EML6: variants seen among roughly 807,000 people sequenced by gnomAD.
EML6 encodes the protein echinoderm microtubule-associated protein-like 6.
In EML6, 154 loss-of-function variants were observed where a neutral mutation model predicts 240.1. The observed-to-expected ratio is 0.64, with a 90% CI of 0.56 to 0.73. EML6 has a LOEUF of 0.73. EML6 is among the 30% of genes least tolerant of loss of function. The probability of loss-of-function intolerance (pLI) is 0.00; values close to 1 mark genes in which losing one functional copy is unlikely to be tolerated. For missense variants in EML6, 2,964 were observed against 2,474.6 expected (o/e 1.20, Z -4.20); for synonymous variants, 1,148 against 899.0 (o/e 1.28, Z -4.95).
At chr2:54,920,190 A>G (rs561397962) in intron 26 of EML6, among the ~76,000 whole-genome samples, 1 of 152,274 alleles carries the variant, frequency 6.6e-6, no homozygotes, top group East Asian at 1.9e-4. Context: ...ACAGAAATAA[A>G]TAAAATAGAG....
At chr2:54,756,633 G>T (rs901771486) in intron 2 of EML6, among the ~76,000 whole-genome samples, 2 of 150,168 alleles carry the variant, frequency 1.3e-5, no homozygotes, top group African/African-American at 5.0e-5. Flanking sequence ...ATGTTCTCAG[G>T]AGCATTTTTT....
At chr2:54,896,698 GTGAT>G (rs1672790071) in intron 21 of EML6, among the ~76,000 whole-genome samples, 2 of 152,166 alleles carry the variant, frequency 1.3e-5, no homozygotes, top group South Asian at 4.1e-4. Flanking sequence ...TGATCTCTGA[GTGAT>G]TGATGCCTGC....
chr2:54,829,538 A>T lies in EML6; in HGVS notation c.847+61A>T, dbSNP rs1178276639. On this transcript the variant is annotated intron_variant, in intron 7 of 41. Coordinates refer to ENST00000356458, the MANE Select transcript of EML6 (RefSeq NM_001039753.4). ...TGTGAAATATAATGTGAAGTTCTGTATTCATATTTGTTTCTCTGTACCCCA... is the reference window on the plus strand; with the variant it reads ...TGTGAAATATAATGTGAAGTTCTGTTTTCATATTTGTTTCTCTGTACCCCA... 2.9e-6 allele frequency: 4 copies of T among 1,372,682 alleles called. No individual in the cohort carries two copies. The African/African-American group carries it at 5.8e-5, about 20-fold the overall frequency. The allele number at this position is 1,372,682 out of a possible 1,614,324, so 85.0% of individuals were successfully genotyped here.
At position 54,753,015 on chromosome 2, in the gene EML6, C is replaced by T. The variant is rs111442264; in HGVS notation, c.197+27757C>T. ...TGTTGGCCAGGCTGGTCTCGAACTC[C>T]GTGAGTCACGGTGCCCGGCTACATT... On this transcript the variant is annotated intron_variant, in intron 2 of 41. Coordinates refer to ENST00000356458, the MANE Select transcript of EML6 (RefSeq NM_001039753.4). 9.4e-3 allele frequency among the ~76,000 whole-genome samples: 1,424 copies of T among 152,284 alleles called. 22 individuals carry two copies. Among genetic ancestry groups the T allele is most frequent in the African/African-American group, 0.032 (1,349 of 41,542 alleles).
At chr2:54,905,208 C>T (rs539430743) in intron 24 of EML6, among the ~76,000 whole-genome samples, 3 of 151,844 alleles carry the variant, frequency 2.0e-5, no homozygotes, top group Admixed American at 6.6e-5. Flanking sequence ...GCTTCTCAGA[C>T]CCTTCTTTGA....
intron 17 of EML6, chr2:54,880,699 C>G (rs1034296762): frequency 2.0e-5 from 3 of 152,230 alleles, no homozygotes; most frequent in Non-Finnish European, 2.9e-5. Flanking sequence ...GTATTCCTCA[C>G]TGTCATTCCA....
intron 2 of EML6, chr2:54,748,300 A>G (rs1456758964): frequency 6.6e-6 from 1 of 152,212 alleles, no homozygotes; most frequent in Non-Finnish European, 1.5e-5. Context: ...TATGATTCTT[A>G]GTTGAAGCTA....
intron 8 of EML6, among the ~76,000 whole-genome samples, chr2:54,844,474 T>G (rs1669643945): frequency 6.6e-6 from 1 of 152,192 alleles, no homozygotes. Context: ...GAAAAATGCT[T>G]CAATACTGGT....
intron 22 of EML6, among the ~76,000 whole-genome samples, chr2:54,901,574 A>G (rs1326254128): frequency 6.6e-6 from 1 of 152,218 alleles, no homozygotes; most frequent in African/African-American, 2.4e-5. Flanking sequence ...TTCTGGTATA[A>G]TTATTAATAG....
At chr2:54,826,918 A>G (rs1327438001) in intron 5 of EML6, among the ~76,000 whole-genome samples, 8 of 152,160 alleles carry the variant, frequency 5.3e-5, no homozygotes, top group African/African-American at 1.9e-4. Flanking sequence ...CACACCTGTA[A>G]TTCTAGCACT....
At position 54,928,326 on chromosome 2, in the gene EML6, G is replaced by A. The variant is rs745404701; in HGVS notation, c.3689G>A (p.Arg1230Lys). Reference sequence around the variant, plus strand: ...CGGGCTTTACAGGGACAGCACGCAAGATTCAAGAAGTATGTGGGGCACAGT... The same window carrying A: ...CGGGCTTTACAGGGACAGCACGCAAAATTCAAGAAGTATGTGGGGCACAGT... ...FSYPVKGQHA[R>K]FKKYVGHSAH... Residue 1230 changes from arginine (R) to lysine (K), a missense_variant, in exon 27 of 42, where the codon AGA (arginine) becomes AAA (lysine). Physicochemically the swap from Arg to Lys is conservative, Grantham distance 26 (BLOSUM62 2). Transcript: ENST00000356458. The A allele has an allele frequency of 1.3e-5, 20 of 1,552,044 alleles. No homozygotes were observed. The African/African-American group carries it at 2.6e-4, about 20-fold the overall frequency.
chr2:54,765,994 T>A (rs1364985178), intron 2 of EML6, among the ~76,000 whole-genome samples: 4 of 152,150 alleles, frequency 2.6e-5, no homozygotes, highest in African/African-American at 9.7e-5. Context: ...TAATATTCTC[T>A]CTCTTATTCT....
rs931117487 is a variant in EML6 at position 54,725,624 on chromosome 2, G to A, written c.197+366G>A. Among the ~76,000 whole-genome samples, 1 of 152,184 alleles carries A rather than the reference G, an allele frequency of 6.6e-6. No homozygotes were observed. The highest frequency in any genetic ancestry group is 1.5e-5 in the Non-Finnish European group (1 of 68,026). On this transcript the variant is annotated intron_variant, in intron 2 of 41. Transcript: ENST00000356458. This position sits in a 1 kb window ranked among gnomAD's most constrained non-coding sequence, Gnocchi z 4.3. ...TGCACGGTAGGACCAATAACCTGAA[G>A]TGTGGGCATCATCTTTGGGAGGCTC...
intron 2 of EML6, among the ~76,000 whole-genome samples, chr2:54,749,762 A>C (rs1219564795): frequency 6.6e-6 from 1 of 152,182 alleles, no homozygotes; most frequent in African/African-American, 2.4e-5. Flanking sequence ...AACAGGAGTT[A>C]AACCCAGGCG....
chr2:54,821,945 A>T (rs1668353858), intron 5 of EML6, among the ~76,000 whole-genome samples: 2 of 152,168 alleles, frequency 1.3e-5, no homozygotes, highest in Non-Finnish European at 2.9e-5. Flanking sequence ...GTAAGGAATA[A>T]TACTGATGCA....
intron 13 of EML6, among the ~76,000 whole-genome samples, chr2:54,864,622 T>A (rs1218010168): frequency 1.3e-5 from 2 of 152,238 alleles, no homozygotes; most frequent in Admixed American, 1.3e-4. Flanking sequence ...TGAATAAGAC[T>A]TCAAATTTCA....
At position 54,724,253 on chromosome 2, in the gene EML6, A is replaced by G. The variant is rs1682807764; in HGVS notation, c.-513-296A>G. On this transcript the variant is annotated intron_variant, in intron 1 of 41. Transcript: ENST00000356458. The surrounding 1 kb of genome is among the most constrained non-coding windows in gnomAD (Gnocchi z 5.2). ...GAGAAGGTTCACGGAGGATATGATT[A>G]TTAAACACACACATGAAAACTAATT... Among the ~76,000 whole-genome samples, 1 of 152,110 alleles carries G rather than the reference A, an allele frequency of 6.6e-6. No homozygotes were observed. Among genetic ancestry groups the G allele is most frequent in the Non-Finnish European group, 1.5e-5 (1 of 68,016 alleles).
At chr2:54,802,722 C>A (rs1404846479) in intron 2 of EML6, among the ~76,000 whole-genome samples, 1 of 151,708 alleles carries the variant, frequency 6.6e-6, no homozygotes, top group Non-Finnish European at 1.5e-5. Context: ...GATAAAAGGC[C>A]ATGTTACTTT....
chr2:54,762,513 T>G (rs541502797), intron 2 of EML6, among the ~76,000 whole-genome samples: 2 of 152,182 alleles, frequency 1.3e-5, no homozygotes, highest in Non-Finnish European at 2.9e-5. Context: ...TCCCCAAGCG[T>G]CTCCCACCTC....
Sources: gnomAD v4.1 joint callset for allele counts (sites outside exome capture counted in the v4.1 genomes callset) on GRCh38, gnomAD v4.1.1 for gene constraint, Gnocchi (gnomAD v3.1) non-coding constraint, MANE v1.5 for transcripts, NCBI Gene and HGNC (gene_info 2026-07-23, HGNC 2026-07-21) for gene names.